Variants in RGMB observed in about 807,000 individuals in gnomAD.
RGMB encodes the protein repulsive guidance molecule BMP co-receptor b.
A neutral mutation model predicts 26.9 loss-of-function variants in RGMB; 16 were observed. That is an observed-to-expected ratio of 0.60 (90% CI 0.40 to 0.90). The LOEUF is 0.90. Ranked by LOEUF, RGMB falls within the 40% of genes least tolerant of loss-of-function variation. RGMB has a pLI of 0.00. For synonymous variants in RGMB, 225 were observed against 229.3 expected, an observed-to-expected ratio of 0.98 and a Z score of 0.17; for missense variants, 512 against 573.3, an observed-to-expected ratio of 0.89 and a Z score of 1.09.
At position 98,774,213 on chromosome 5, in the gene RGMB, C is replaced by T; in HGVS notation, c.136+7C>T. On this transcript the variant is annotated splice_region_variant and intron_variant, in intron 1 of 2. Transcript: ENST00000513185. ...CTCGGGCTGCTCCACGCAGGTAGGA[C>T]GGGAGCGCGCGAGGGGAGCCAGCCC... is the stretch of plus-strand genomic sequence containing the variant. The T allele has an allele frequency of 1.4e-6, 2 of 1,426,380 alleles. No individual in the cohort carries two copies. Among genetic ancestry groups the T allele is most frequent in the Admixed American group, 3.0e-5 (1 of 33,568 alleles). The allele number at this position is 1,426,380 out of a possible 1,614,324, so 88.4% of individuals were successfully genotyped here. A position where few individuals can be genotyped will look rare whatever the true frequency, so the allele number is the denominator to read the frequency against.
intron 2 of RGMB, among the ~76,000 whole-genome samples, chr5:98,784,052 G>A (rs1018144121): frequency 2.0e-5 from 3 of 152,164 alleles, no homozygotes; most frequent in Non-Finnish European, 2.9e-5. Flanking sequence ...ACATTTTACT[G>A]TGCCTCACCC....
Position 98,793,106 on chromosome 5 carries a change from C to T in RGMB, c.667C>T (p.His223Tyr). Reference sequence around the variant, plus strand: ...ACAGATCACTATTATCTTCAAAGCCCACCATGAGTGTACAGATCAGAAAGT... The same window carrying T: ...ACAGATCACTATTATCTTCAAAGCCTACCATGAGTGTACAGATCAGAAAGT... ...TNKITIIFKA[H>Y]HECTDQKVYQ... Residue 223 changes from histidine to tyrosine, a missense_variant, in exon 3 of 3, where the codon CAC becomes TAC. His to Tyr is a moderately conservative substitution (Grantham distance 83). Transcript: ENST00000513185. 4 of 1,608,808 alleles carry T rather than the reference C, an allele frequency of 2.5e-6. No homozygotes were observed. The South Asian group carries it at 3.3e-5, about 13-fold the overall frequency.
chr5:98,786,033 T>G (rs1746757930), intron 2 of RGMB, among the ~76,000 whole-genome samples: 1 of 152,238 alleles, frequency 6.6e-6, no homozygotes, highest in Non-Finnish European at 1.5e-5. Flanking sequence ...AGCTGTGTAA[T>G]GAACCTATGT....
rs774964506 is a variant in RGMB at position 98,793,555 on chromosome 5, T to C, written c.1116T>C (p.Cys372=). The C allele has an allele frequency of 5.0e-6, 8 of 1,613,946 alleles. No individual in the cohort carries two copies. Among genetic ancestry groups the C allele is most frequent in the Non-Finnish European group, 4.2e-6 (5 of 1,179,916 alleles). Residue 372 remains cysteine, a synonymous_variant, in exon 3 of 3, where the codon TGT becomes TGC. Coordinates refer to ENST00000513185, the MANE Select transcript of RGMB (RefSeq NM_001366508.1). ...MPVKDIYFQS[C]VFDLLTTGDA... is the part of the protein sequence containing the mutation. ...TGAAGGACATCTATTTCCAGTCCTG[T>C]GTCTTCGACCTGCTCACCACTGGTG...
At position 98,774,109 on chromosome 5, in the gene RGMB, C is replaced by G. The variant is rs993430139; in HGVS notation, c.39C>G (p.Ala13=). 2.3e-5 allele frequency: 31 copies of G among 1,341,206 alleles called. No homozygotes were observed. The highest frequency in any genetic ancestry group is 3.0e-5 in the African/African-American group (2 of 65,792). The allele number at this position is 1,341,206 out of a possible 1,614,324, so 83.1% of individuals were successfully genotyped here. The change falls in exon 1 of 3, where the codon GCC becomes GCG. Residue 13 remains alanine (A), a synonymous_variant. Coordinates refer to ENST00000513185, the MANE Select transcript of RGMB (RefSeq NM_001366508.1). ...LRAAPSSAAA[A]AAEVEQRRSP... ...CAGCACCTTCCAGCGCCGCCGCTGC[C>G]GCCGCCGAGGTTGAGCAGCGCCGCA... is the stretch of plus-strand genomic sequence containing the variant.
Position 98,796,047 on chromosome 5 carries a change from C to G in RGMB, c.*2294C>G, listed in dbSNP as rs904234318. The G allele has an allele frequency of 2.6e-5, 4 of 152,192 alleles. No individual in the cohort carries two copies. The highest frequency in any genetic ancestry group is 7.2e-5 in the African/African-American group (3 of 41,446). The allele number at this position is 152,192 out of a possible 1,614,324, so 9.4% of individuals were successfully genotyped here. A position where few individuals can be genotyped will look rare whatever the true frequency, so the allele number is the denominator to read the frequency against. ...CCTTGTAATCGGTGTCCCTGTAAAA[C>G]AATCCCCACAGATTACTTTCAGAAA... On this transcript the variant is annotated 3_prime_UTR_variant, in exon 3 of 3. Transcript: ENST00000513185.
In RGMB at chr5:98,790,385, CACT is replaced by C. The variant is rs1178480719; in HGVS notation, c.646-2695_646-2693del. Among the ~76,000 whole-genome samples the C allele has an allele frequency of 3.3e-5, 5 of 152,306 alleles. No homozygotes were observed. The East Asian group carries it at 9.6e-4, about 29-fold the overall frequency. On this transcript the variant is annotated intron_variant, in intron 2 of 2. Transcript: ENST00000513185. ...AATATCCACTTGTCTCACAGCAAAT[CACT>C]ACTAGTAAATTGGAAAGACAAATCT...
upstream of RGMB, chr5:98,773,264 T>C (rs1345033006): frequency 6.6e-6 from 1 of 151,132 alleles, no homozygotes; most frequent in Non-Finnish European, 1.5e-5. Flanking sequence ...GGAGGGAAGA[T>C]GAATCGGATC....
intron 2 of RGMB, among the ~76,000 whole-genome samples, chr5:98,784,980 G>A (rs542476293): frequency 6.0e-4 from 91 of 152,210 alleles, no homozygotes; most frequent in African/African-American, 2.1e-3. Flanking sequence ...ATCTGAGATC[G>A]CTCTTTATTT....
chr5:98,781,958 C>T (rs972391049), intron 2 of RGMB, among the ~76,000 whole-genome samples: 3 of 152,134 alleles, frequency 2.0e-5, no homozygotes, highest in Non-Finnish European at 2.9e-5. Flanking sequence ...TGTTTTCTCC[C>T]TCAGTTTGGA....
At position 98,787,387 on chromosome 5, in the gene RGMB, G is replaced by A. The variant is rs892052596; in HGVS notation, c.646-5698G>A. 3.3e-5 allele frequency among the ~76,000 whole-genome samples: 5 copies of A among 152,212 alleles called. No homozygotes were observed. The South Asian group carries it at 1.0e-3, about 31-fold the overall frequency. ...ACCTAGGCCCAGAGCAGGGCCTCGG[G>A]TCTGTAGTCCTGCCACCTCTCTCTA... On this transcript the variant is annotated intron_variant, in intron 2 of 2. Coordinates refer to ENST00000513185, the MANE Select transcript of RGMB (RefSeq NM_001366508.1).
At position 98,775,925 on chromosome 5, in the gene RGMB, G is replaced by A. The variant is rs150861962; in HGVS notation, c.136+1719G>A. ...CTTTGAAGAGTGGTGCTATTTAAAT[G>A]CCCGGGTTGTTTCTCAGATAAGGGA... On this transcript the variant is annotated intron_variant, in intron 1 of 2. Coordinates refer to ENST00000513185, the MANE Select transcript of RGMB (RefSeq NM_001366508.1). Among the ~76,000 whole-genome samples the A allele has an allele frequency of 1.3e-4, 20 of 152,282 alleles. No individual in the cohort carries two copies. In the East Asian group the frequency reaches 3.9e-3, roughly 29 times the overall value.
rs1416182474 is a variant in RGMB, at chr5:98,795,188, A to ACT, written c.*1435_*1436insCT. ...AATCTGAGAAAGTTAACTCCAGGAT[A>ACT]GGTAGGTTTCTATTGTTATAGCTAG... On this transcript the variant is annotated 3_prime_UTR_variant, in exon 3 of 3. Transcript: ENST00000513185. 3 of 152,254 alleles carry ACT rather than the reference A, an allele frequency of 2.0e-5. No homozygotes were observed. The highest frequency in any genetic ancestry group is 1.5e-5 in the Non-Finnish European group (1 of 68,054). The allele number at this position is 152,254 out of a possible 1,614,324, so 9.4% of individuals were successfully genotyped here.
chr5:98,793,732 G>C lies in RGMB; in HGVS notation c.1293G>C (p.Leu431Phe), dbSNP rs1255804864. 2 of 1,583,220 alleles carry C rather than the reference G, an allele frequency of 1.3e-6. No individual in the cohort carries two copies. The highest frequency in any genetic ancestry group is 1.7e-6 in the Non-Finnish European group (2 of 1,162,904). The change falls in exon 3 of 3, where the codon TTG becomes TTC. Residue 431 changes from leucine to phenylalanine, a missense_variant. Leu to Phe is a conservative substitution (Grantham distance 22). Coordinates refer to ENST00000513185, the MANE Select transcript of RGMB (RefSeq NM_001366508.1). ...CTGTCAGTCTAGGACTCACCTGCTT[G>C]ATCCTTATCGTGTTTTTGTAGGGGT... ...DLSVSLGLTC[L>F]ILIVFL
intron 2 of RGMB, among the ~76,000 whole-genome samples, chr5:98,784,822 G>C (rs1301909678): frequency 1.3e-5 from 2 of 152,096 alleles, no homozygotes; most frequent in African/African-American, 4.8e-5. Flanking sequence ...TCCATTGATA[G>C]GTCTGTGTTT....
At chr5:98,775,302 T>G (rs953646591) in intron 1 of RGMB, among the ~76,000 whole-genome samples, 3 of 152,198 alleles carry the variant, frequency 2.0e-5, no homozygotes, top group Non-Finnish European at 4.4e-5. Flanking sequence ...TGAGGAGACT[T>G]AATTTACTTT....
Position 98,793,549 on chromosome 5 carries a change from G to A in RGMB, c.1110G>A (p.Gln370=). The change falls in exon 3 of 3, where the codon CAG becomes CAA. Residue 370 remains glutamine (Q), a synonymous_variant. Coordinates refer to ENST00000513185, the MANE Select transcript of RGMB (RefSeq NM_001366508.1). ...EKMPVKDIYF[Q]SCVFDLLTTG... ...TGCCAGTGAAGGACATCTATTTCCA[G>A]TCCTGTGTCTTCGACCTGCTCACCA... is the stretch of plus-strand genomic sequence containing the variant. 6.2e-7 allele frequency: 1 copy of A among 1,614,038 alleles called. No homozygotes were observed. The highest frequency in any genetic ancestry group is 8.5e-7 in the Non-Finnish European group (1 of 1,179,910).
intron 2 of RGMB, among the ~76,000 whole-genome samples, chr5:98,791,442 CTT>C (rs1484759102): frequency 6.6e-6 from 1 of 151,812 alleles, no homozygotes; most frequent in Non-Finnish European, 1.5e-5. Flanking sequence ...TGGAGAAAAA[CTT>C]AAGACATAAA....
chr5:98,781,046 G>A (rs1746586372), intron 2 of RGMB: 1 of 152,110 alleles, frequency 6.6e-6, no homozygotes, highest in Non-Finnish European at 1.5e-5. Flanking sequence ...CAAAAAAATT[G>A]GTTTAGTTTT....
Sources: allele counts gnomAD v4.1 joint callset (sites outside exome capture counted in the v4.1 genomes callset), GRCh38; gene constraint gnomAD v4.1.1; transcripts MANE v1.5; gene names NCBI Gene and HGNC (gene_info 2026-07-23, HGNC 2026-07-21).